IQSEC1: variants seen among roughly 807,000 people sequenced by gnomAD.
IQSEC1 encodes the protein IQ motif and SEC7 domain-containing protein 1.
IQSEC1 carries 31 observed loss-of-function variants against 91.0 expected under a neutral mutation model. That is an observed-to-expected ratio of 0.34 (90% CI 0.26 to 0.46). The LOEUF (loss-of-function observed/expected upper bound fraction) is 0.46. IQSEC1 is among the 20% of genes least tolerant of loss of function. IQSEC1 has a pLI of 1.00. For synonymous variants in IQSEC1, 699 were observed against 662.6 expected, an observed-to-expected ratio of 1.05 and a Z score of -0.84; for missense variants, 1,388 against 1,575.6, an observed-to-expected ratio of 0.88 and a Z score of 2.02.
At chr3:12,971,793 TG>T (rs1256919850) in intron 1 of IQSEC1, among the ~76,000 whole-genome samples, 1 of 152,152 alleles carries the variant, frequency 6.6e-6, no homozygotes, top group African/African-American at 2.4e-5. Context: ...GGGCCAGGTG[TG>T]GTGGCTCACC....
At chr3:13,127,426 C>A (rs1009818826) in intron 2 of IQSEC1, among the ~76,000 whole-genome samples, 8 of 150,684 alleles carry the variant, frequency 5.3e-5, no homozygotes, top group Admixed American at 1.3e-4. Flanking sequence ...ACAACAACAA[C>A]AAAAAAACAA....
intron 1 of IQSEC1, among the ~76,000 whole-genome samples, chr3:13,256,676 G>A (rs1050859471): frequency 2.0e-5 from 3 of 152,244 alleles, no homozygotes; most frequent in African/African-American, 4.8e-5. Context: ...GGACCAGGCA[G>A]ACAGAAACCC....
intron 1 of IQSEC1, among the ~76,000 whole-genome samples, chr3:13,239,033 C>G (rs1168421330): frequency 6.6e-6 from 1 of 152,214 alleles, no homozygotes. Context: ...CGCTTGAGGA[C>G]ATGGGGTTCC....
intron 2 of IQSEC1, among the ~76,000 whole-genome samples, chr3:13,104,295 A>T (rs1421569761): frequency 6.6e-6 from 1 of 152,138 alleles, no homozygotes; most frequent in Non-Finnish European, 1.5e-5. Flanking sequence ...TTTCATCTGG[A>T]AATGAAGGGA....
rs915630034 is a variant in IQSEC1 at position 12,992,613 on chromosome 3, A to G, written c.24-50748T>C. On this transcript the variant is annotated intron_variant, in intron 1 of 13. Coordinates refer to ENST00000613206, the MANE Select transcript of IQSEC1 (RefSeq NM_001134382.3). This position sits in a 1 kb window ranked among gnomAD's most constrained non-coding sequence, Gnocchi z 4.1. The stretch of plus-strand genomic sequence containing the variant: ...CCACAAAATGAAACGGTGGCTCATC[A>G]AAGTGCACAACCAGACCCCTGCTCC... Among the ~76,000 whole-genome samples, 1 of 152,162 alleles carries G rather than the reference A, an allele frequency of 6.6e-6. No homozygotes were observed. Among genetic ancestry groups the G allele is most frequent in the African/African-American group, 2.4e-5 (1 of 41,428 alleles).
At chr3:13,099,799 T>C (rs1706026748) in intron 2 of IQSEC1, among the ~76,000 whole-genome samples, 1 of 152,178 alleles carries the variant, frequency 6.6e-6, no homozygotes, top group Admixed American at 6.5e-5. Context: ...CTCCTCTCTC[T>C]GTGAAACCAC....
intron 1 of IQSEC1, among the ~76,000 whole-genome samples, chr3:13,029,688 G>T (rs771753846): frequency 2.6e-5 from 4 of 152,212 alleles, no homozygotes; most frequent in Non-Finnish European, 4.4e-5. Flanking sequence ...GAGCGTGAGT[G>T]TGTGTGCGCA....
intron 1 of IQSEC1, among the ~76,000 whole-genome samples, chr3:13,005,699 C>T (rs180774217): frequency 3.9e-4 from 59 of 152,336 alleles, no homozygotes; most frequent in African/African-American, 1.4e-3. Flanking sequence ...TAAATAGCCA[C>T]CTATAGCTGG....
chr3:13,203,095 G>A (rs1694273891), intron 1 of IQSEC1, among the ~76,000 whole-genome samples: 1 of 152,180 alleles, frequency 6.6e-6, no homozygotes, highest in Non-Finnish European at 1.5e-5. Flanking sequence ...GCACGAGCAG[G>A]AGGTGGGAAG....
intron 1 of IQSEC1, among the ~76,000 whole-genome samples, chr3:13,017,733 G>A (rs360844): frequency 0.85 from 129,293 of 152,032 alleles, 55,138 homozygotes; most frequent in South Asian, 0.94. Flanking sequence ...GCAGAGATGG[G>A]AACCGAGGAG....
intron 1 of IQSEC1, among the ~76,000 whole-genome samples, chr3:13,067,591 C>T (rs1245152609): frequency 6.6e-6 from 1 of 152,208 alleles, no homozygotes; most frequent in Non-Finnish European, 1.5e-5. Flanking sequence ...CAGGGTAAGG[C>T]GTCAGGTCCC....
intron 10 of IQSEC1, among the ~76,000 whole-genome samples, 191 bp downstream of exon 10, chr3:12,911,438 T>G (rs989986686): frequency 1.3e-5 from 2 of 152,214 alleles, no homozygotes; most frequent in African/African-American, 4.8e-5. Context: ...TACATGAGGC[T>G]CAGCTGACTG....
rs189750605 is a variant in IQSEC1, at chr3:12,908,649, G to A, written c.2579-124C>T. The A allele has an allele frequency of 6.4e-5, 69 of 1,080,256 alleles. No individual in the cohort carries two copies. The Admixed American group carries it at 1.2e-3, about 19-fold the overall frequency. 66.9% of individuals were successfully genotyped at this position (1,080,256 alleles called of 1,614,324 possible). A position where few individuals can be genotyped will look rare whatever the true frequency, so the allele number is the denominator to read the frequency against. The stretch of plus-strand genomic sequence containing the variant: ...CATCTGCTTGGAATGGGGAAGGGTT[G>A]TTTCTGGGAAAGAGGGTGTGATGGC... On this transcript the variant is annotated intron_variant, in intron 11 of 13. Transcript: ENST00000613206. The surrounding 1 kb of genome is among the most constrained non-coding windows in gnomAD (Gnocchi z 4.9).
In IQSEC1 at chr3:12,899,541, C is replaced by T; in HGVS notation, c.*1442G>A. The T allele has an allele frequency of 6.6e-7, 1 of 1,516,120 alleles. No homozygotes were observed. Among genetic ancestry groups the T allele is most frequent in the Non-Finnish European group, 8.9e-7 (1 of 1,122,840 alleles). 93.9% of individuals were successfully genotyped at this position (1,516,120 alleles called of 1,614,324 possible). On this transcript the variant is annotated 3_prime_UTR_variant, in exon 14 of 14. Transcript: ENST00000613206. ...CAACACAGAAGCGACAAGAGCACAGCTGAGAGTCATGTGATGCCCTGGCAG... is the reference window on the plus strand; with the variant it reads ...CAACACAGAAGCGACAAGAGCACAGTTGAGAGTCATGTGATGCCCTGGCAG...
intron 1 of IQSEC1, among the ~76,000 whole-genome samples, chr3:13,006,774 G>A (rs964931197): frequency 3.3e-5 from 5 of 152,216 alleles, no homozygotes; most frequent in Non-Finnish European, 7.3e-5. Context: ...CCAGGGGCAG[G>A]GGCATGAGAA....
intron 1 of IQSEC1, among the ~76,000 whole-genome samples, chr3:13,234,075 C>T (rs1004982804): frequency 6.6e-6 from 1 of 152,244 alleles, no homozygotes; most frequent in Non-Finnish European, 1.5e-5. Context: ...CAAGCTTCCC[C>T]TAGCTCTCCA....
upstream of IQSEC1, among the ~76,000 whole-genome samples, chr3:13,074,079 G>A (rs1705520785): frequency 6.6e-6 from 1 of 152,214 alleles, no homozygotes; most frequent in Admixed American, 6.5e-5. Flanking sequence ...TACAGTCTAA[G>A]GGGAAGCCAG....
intron 1 of IQSEC1, among the ~76,000 whole-genome samples, chr3:13,006,935 C>T (rs1326938105): frequency 6.6e-6 from 1 of 152,236 alleles, no homozygotes; most frequent in African/African-American, 2.4e-5. Context: ...CCTCTCCTGA[C>T]ATGTTTGCAG....
intron 1 of IQSEC1, among the ~76,000 whole-genome samples, chr3:13,005,472 G>A (rs780793123): frequency 7.2e-5 from 11 of 152,174 alleles, no homozygotes; most frequent in Non-Finnish European, 1.6e-4. Context: ...GAGTCTCTCA[G>A]GAGTCCTGGG....
Sources: gnomAD v4.1 joint callset for allele counts (sites outside exome capture counted in the v4.1 genomes callset) on GRCh38, gnomAD v4.1.1 for gene constraint, Gnocchi (gnomAD v3.1) non-coding constraint, MANE v1.5 for transcripts, NCBI Gene and HGNC (gene_info 2026-07-23, HGNC 2026-07-21) for gene names.